The following TUNAR variants were observed in gnomAD, a reference collection of about 807,000 sequenced individuals.
TUNAR encodes the protein transmembrane neural differentiation associated intracellular calcium regulator, also known as protein TUNAR.
chr14:95,906,182 A>G (rs1206430249), intron 2 of TUNAR, among the ~76,000 whole-genome samples: 2 of 152,188 alleles, frequency 1.3e-5, no homozygotes. Flanking sequence ...AATGGCATAG[A>G]GAAACCAAGG....
intron 2 of TUNAR, among the ~76,000 whole-genome samples, chr14:95,917,807 T>C (rs1165178153): frequency 6.6e-6 from 1 of 152,236 alleles, no homozygotes; most frequent in Non-Finnish European, 1.5e-5. Context: ...TGAGATATAA[T>C]TCACAAACCA....
At chr14:95,917,940 C>A (rs996846970) in intron 2 of TUNAR, among the ~76,000 whole-genome samples, 1 of 152,094 alleles carries the variant, frequency 6.6e-6, no homozygotes, top group African/African-American at 2.4e-5. Context: ...AAAGAAATGC[C>A]TTTACTGTTA....
At chr14:95,899,548 AT>A (rs1232128711) in intron 2 of TUNAR, among the ~76,000 whole-genome samples, 3 of 152,198 alleles carry the variant, frequency 2.0e-5, no homozygotes, top group East Asian at 1.9e-4. Flanking sequence ...AATAGCATAA[AT>A]TGAGTGGCTT....
intron 2 of TUNAR, among the ~76,000 whole-genome samples, chr14:95,912,292 A>C (rs72700940): frequency 0.1 from 15,677 of 152,222 alleles, 953 homozygotes; most frequent in South Asian, 0.22. Flanking sequence ...CCCCATAATC[A>C]TGTTGAATTT....
exon 3 of TUNAR, chr14:95,924,058 A>G (rs1184777547): frequency 6.6e-6 from 1 of 152,204 alleles, no homozygotes; most frequent in Non-Finnish European, 1.5e-5. Flanking sequence ...CCATTCGTTT[A>G]TCAGATTTTG....
intron 2 of TUNAR, among the ~76,000 whole-genome samples, chr14:95,911,057 G>A (rs1412818494): frequency 6.6e-6 from 1 of 152,168 alleles, no homozygotes; most frequent in Admixed American, 6.5e-5. Flanking sequence ...AAAATAAACA[G>A]GAATTGAACA....
At chr14:95,885,494 C>T (rs1031045184) in intron 2 of TUNAR, among the ~76,000 whole-genome samples, 5 of 152,054 alleles carry the variant, frequency 3.3e-5, no homozygotes, top group Admixed American at 1.3e-4. Context: ...CCCTGAGAGA[C>T]GAGAAGGAAT....
chr14:95,907,094 C>G (rs2034461246), intron 2 of TUNAR, among the ~76,000 whole-genome samples: 1 of 152,152 alleles, frequency 6.6e-6, no homozygotes, highest in African/African-American at 2.4e-5. Context: ...AACATTGGGT[C>G]CTTGAAATCT....
intron 2 of TUNAR, among the ~76,000 whole-genome samples, chr14:95,887,721 T>C (rs895574675): frequency 6.6e-6 from 1 of 152,222 alleles, no homozygotes; most frequent in African/African-American, 2.4e-5. Context: ...CACCACCTTA[T>C]TGACTCACAT....
intron 2 of TUNAR, among the ~76,000 whole-genome samples, chr14:95,882,693 G>A (rs1273817059): frequency 6.6e-6 from 1 of 152,136 alleles, no homozygotes; most frequent in Non-Finnish European, 1.5e-5. Flanking sequence ...ATGATGAGCT[G>A]CTGTATGTAC....
At chr14:95,885,825 G>A (rs533985120) in intron 2 of TUNAR, among the ~76,000 whole-genome samples, 12 of 152,318 alleles carry the variant, frequency 7.9e-5, no homozygotes, top group East Asian at 7.7e-4. Flanking sequence ...GTGAAGATGT[G>A]TAAAACGTTC....
chr14:95,882,792 A>G (rs1889000978), intron 2 of TUNAR, among the ~76,000 whole-genome samples: 1 of 152,210 alleles, frequency 6.6e-6, no homozygotes, highest in Non-Finnish European at 1.5e-5. Flanking sequence ...TCTATCTGCT[A>G]ATATGGTCTG....
intron 2 of TUNAR, among the ~76,000 whole-genome samples, chr14:95,913,654 G>C (rs2139669745): frequency 6.6e-6 from 1 of 152,300 alleles, no homozygotes; most frequent in East Asian, 1.9e-4. Flanking sequence ...GAAAGTGCCA[G>C]GACCCAGCAT....
chr14:95,906,399 A>G lies in TUNAR; in HGVS notation c.13-16382A>G, dbSNP rs544111298. Among the ~76,000 whole-genome samples, 230 of 152,282 alleles carry G rather than the reference A, an allele frequency of 1.5e-3. 2 individuals are homozygous for G. The highest frequency in any genetic ancestry group is 5.2e-3 in the African/African-American group (217 of 41,552). On this transcript the variant is annotated intron_variant, in intron 2 of 2. Coordinates refer to ENST00000678517, the Ensembl canonical transcript of TUNAR. Reference sequence around the variant, plus strand: ...AGTCCAACATCACAAGGCTCATTTTAACTTTTTCCCTTTCCTGCAATTTTT... The same window carrying G: ...AGTCCAACATCACAAGGCTCATTTTGACTTTTTCCCTTTCCTGCAATTTTT...
intron 2 of TUNAR, among the ~76,000 whole-genome samples, chr14:95,887,365 G>A (rs1889094974): frequency 6.6e-6 from 1 of 152,154 alleles, no homozygotes; most frequent in African/African-American, 2.4e-5. Context: ...CTTGTGCAGC[G>A]GTCAGTCTGG....
At chr14:95,901,682 T>A (rs1038532415) in intron 2 of TUNAR, among the ~76,000 whole-genome samples, 3 of 152,230 alleles carry the variant, frequency 2.0e-5, no homozygotes, top group African/African-American at 7.2e-5. Flanking sequence ...ATGGCATTGT[T>A]CTTGGCACAG....
Position 95,895,260 on chromosome 14 carries a change from G to C in TUNAR, c.12+18083G>C, listed in dbSNP as rs759317788. Among the ~76,000 whole-genome samples the C allele has an allele frequency of 1.6e-4, 24 of 152,334 alleles. No individual in the cohort carries two copies. Among genetic ancestry groups the C allele is most frequent in the African/African-American group, 5.1e-4 (21 of 41,578 alleles). ...AACAGATGTGTCTAACCCAGGAGGA[G>C]AGCATGGGCCAGCGGGAAGGGCAGG... On this transcript the variant is annotated intron_variant, in intron 2 of 2. Transcript: ENST00000678517. This position sits in a 1 kb window ranked among gnomAD's most constrained non-coding sequence, Gnocchi z 4.5.
intron 2 of TUNAR, among the ~76,000 whole-genome samples, chr14:95,889,451 C>A (rs1300391042): frequency 6.7e-6 from 1 of 149,672 alleles, no homozygotes; most frequent in Non-Finnish European, 1.5e-5. Context: ...CCACCCCTCA[C>A]CCCCTCCTCT....
intron 2 of TUNAR, among the ~76,000 whole-genome samples, chr14:95,916,619 G>A (rs1472663859): frequency 1.3e-5 from 2 of 152,146 alleles, no homozygotes; most frequent in Non-Finnish European, 2.9e-5. Flanking sequence ...TCATTTGCAG[G>A]TGTACTCGGT....
Sources: allele counts gnomAD v4.1 joint callset (sites outside exome capture counted in the v4.1 genomes callset), GRCh38; gene constraint gnomAD v4.1.1; non-coding constraint Gnocchi (gnomAD v3.1); transcripts MANE v1.5; gene names NCBI Gene and HGNC (gene_info 2026-07-23, HGNC 2026-07-21).